Variants in KCNB2 observed in about 807,000 individuals in gnomAD.
The protein encoded by KCNB2 is potassium voltage-gated channel subfamily B member 2, also known as delayed rectifier potassium channel protein.
KCNB2 carries 15 observed loss-of-function variants against 61.5 expected under a neutral mutation model. The observed-to-expected ratio is 0.24, with a 90% CI of 0.16 to 0.38. KCNB2 has a LOEUF of 0.38. KCNB2 is among the 10% of genes least tolerant of loss of function. The pLI, the probability that KCNB2 is intolerant of heterozygous loss-of-function variation, is 1.00. For missense variants in KCNB2, 828 were observed against 1,125.2 expected (o/e 0.74, Z 3.78); for synonymous variants, 457 against 446.0 (o/e 1.02, Z -0.31).
chr8:72,664,923 C>T (rs1194525869), intron 2 of KCNB2, among the ~76,000 whole-genome samples: 3 of 152,074 alleles, frequency 2.0e-5, no homozygotes, highest in Non-Finnish European at 4.4e-5. Flanking sequence ...AAGACAAAAG[C>T]CCGTGGCAGG....
At chr8:72,589,501 A>G (rs1206412764) in intron 2 of KCNB2, among the ~76,000 whole-genome samples, 1 of 152,150 alleles carries the variant, frequency 6.6e-6, no homozygotes, top group East Asian at 1.9e-4. Flanking sequence ...GGATTGTCTC[A>G]TGACTGTGGC....
At chr8:72,584,409 C>T (rs1225886443) in intron 2 of KCNB2, among the ~76,000 whole-genome samples, 3 of 152,074 alleles carry the variant, frequency 2.0e-5, no homozygotes, top group African/African-American at 7.2e-5. Context: ...ACCTCTGCTC[C>T]TCAGGGCTGG....
chr8:72,788,143 A>G (rs1036760623), intron 2 of KCNB2, among the ~76,000 whole-genome samples: 2 of 152,218 alleles, frequency 1.3e-5, no homozygotes, highest in African/African-American at 4.8e-5. Flanking sequence ...GTAATAAACA[A>G]TATCAATTTA....
chr8:72,753,248 G>T (rs1808230261), intron 2 of KCNB2, among the ~76,000 whole-genome samples: 1 of 152,136 alleles, frequency 6.6e-6, no homozygotes, highest in African/African-American at 2.4e-5. Context: ...TTGACTTAAA[G>T]TCTTTAGTTC....
At chr8:72,806,374 G>T (rs867864903) in intron 2 of KCNB2, among the ~76,000 whole-genome samples, 1 of 118,564 alleles carries the variant, frequency 8.4e-6, no homozygotes, top group African/African-American at 3.1e-5. Context: ...AAAAAAAAAA[G>T]AATAATTTGG....
At chr8:72,736,344 T>C (rs1439590701) in intron 2 of KCNB2, among the ~76,000 whole-genome samples, 2 of 152,074 alleles carry the variant, frequency 1.3e-5, no homozygotes, top group Non-Finnish European at 1.5e-5. Flanking sequence ...ACCAGAAATA[T>C]ATTATTCTAT....
rs116329072 is a variant in KCNB2, at chr8:72,551,564, T to G, written c.-94+13679T>G. Among the ~76,000 whole-genome samples the G allele has an allele frequency of 5.2e-3, 787 of 152,254 alleles. 8 individuals are homozygous for G. Among genetic ancestry groups the G allele is most frequent in the African/African-American group, 0.017 (722 of 41,542 alleles). On this transcript the variant is annotated intron_variant, in intron 1 of 2. Coordinates refer to ENST00000523207, the MANE Select transcript of KCNB2 (RefSeq NM_004770.3). The stretch of plus-strand genomic sequence containing the variant: ...TACTTGGGATGCTCTCTCTTCCCAC[T>G]TTCACCTAATACATTCTTACTCATG...
chr8:72,587,122 C>CTTA (rs1326919308), intron 2 of KCNB2, among the ~76,000 whole-genome samples: 2 of 152,142 alleles, frequency 1.3e-5, no homozygotes, highest in African/African-American at 4.8e-5. Flanking sequence ...TATGTATAGA[C>CTTA]TGGATAGTGC....
At chr8:72,725,575 G>GTT (rs1563571999) in intron 2 of KCNB2, among the ~76,000 whole-genome samples, 1 of 80,490 alleles carries the variant, frequency 1.2e-5, no homozygotes, top group Non-Finnish European at 2.1e-5. Flanking sequence ...GTATATATAT[G>GTT]TATATATATA....
At chr8:72,774,880 A>G (rs1808621228) in intron 2 of KCNB2, among the ~76,000 whole-genome samples, 1 of 152,116 alleles carries the variant, frequency 6.6e-6, no homozygotes, top group African/African-American at 2.4e-5. Context: ...CGTGTAGCTC[A>G]GGAATGAAAT....
chr8:72,899,856 T>C (rs577108129), intron 2 of KCNB2, among the ~76,000 whole-genome samples: 1 of 152,200 alleles, frequency 6.6e-6, no homozygotes, highest in Non-Finnish European at 1.5e-5. Flanking sequence ...TAGAAAAAAG[T>C]ATTCTAAAAT....
At chr8:72,598,989 G>A (rs1185271518) in intron 2 of KCNB2, among the ~76,000 whole-genome samples, 1 of 152,172 alleles carries the variant, frequency 6.6e-6, no homozygotes, top group Non-Finnish European at 1.5e-5. Flanking sequence ...TCATGGGTAG[G>A]AAGAATCAAT....
At chr8:72,584,113 A>AC (rs35596138) in intron 2 of KCNB2, among the ~76,000 whole-genome samples, 16,128 of 149,366 alleles carry the variant, frequency 0.11, 1,216 homozygotes, top group East Asian at 0.45. Context: ...AAACAAAAAA[A>AC]AACAGAAAAA....
At chr8:72,548,273 C>G (rs568665682) in intron 1 of KCNB2, among the ~76,000 whole-genome samples, 1 of 152,248 alleles carries the variant, frequency 6.6e-6, no homozygotes, top group African/African-American at 2.4e-5. Context: ...CTGAGGTATG[C>G]TTGTATAATG....
intron 2 of KCNB2, among the ~76,000 whole-genome samples, chr8:72,738,345 GA>G (rs1807886172): frequency 5.5e-5 from 1 of 18,168 alleles, no homozygotes; most frequent in Non-Finnish European, 1.3e-4. Context: ...CCTGAACTCT[GA>G]CTGTAGGCAG....
chr8:72,664,512 C>T (rs1563552948), intron 2 of KCNB2, among the ~76,000 whole-genome samples: 1 of 152,210 alleles, frequency 6.6e-6, no homozygotes, highest in Non-Finnish European at 1.5e-5. Context: ...AAAATGCCAC[C>T]TCTACCAAAT....
chr8:72,588,218 C>CTTTTCT (rs1441423733), intron 2 of KCNB2, among the ~76,000 whole-genome samples: 2 of 132,842 alleles, frequency 1.5e-5, no homozygotes, highest in Non-Finnish European at 3.2e-5. Context: ...GGTTTCTTTT[C>CTTTTCT]TTTTTTTTTT....
At chr8:72,892,890 C>T (rs1279763698) in intron 2 of KCNB2, among the ~76,000 whole-genome samples, 1 of 152,050 alleles carries the variant, frequency 6.6e-6, no homozygotes, top group African/African-American at 2.4e-5. Flanking sequence ...TTTCTAAAAG[C>T]AGCAAATGTA....
At position 72,803,975 on chromosome 8, in the gene KCNB2, TC is replaced by T. The variant is rs1185934521; in HGVS notation, c.580-131958del. 4.6e-5 allele frequency among the ~76,000 whole-genome samples: 7 copies of T among 152,214 alleles called. No individual in the cohort carries two copies. The South Asian group carries it at 1.5e-3, about 32-fold the overall frequency. ...ACAAGGGTAGCAGAAAGTGGTGTGT[TC>T]CAGAAAAGAAAGTGGTTCAGCATGC... On this transcript the variant is annotated intron_variant, in intron 2 of 2. Coordinates refer to ENST00000523207, the MANE Select transcript of KCNB2 (RefSeq NM_004770.3).
Sources: allele counts gnomAD v4.1 joint callset (sites outside exome capture counted in the v4.1 genomes callset), GRCh38; gene constraint gnomAD v4.1.1; transcripts MANE v1.5; gene names NCBI Gene and HGNC (gene_info 2026-07-23, HGNC 2026-07-21).